CBFA2T3: variants seen among roughly 807,000 people sequenced by gnomAD.
CBFA2T3 encodes the protein CBFA2/RUNX1 partner transcriptional co-repressor 3.
CBFA2T3 carries 31 observed loss-of-function variants against 58.6 expected under a neutral mutation model. The observed-to-expected ratio is 0.53, with a 90% CI of 0.40 to 0.71. The LOEUF is 0.71. CBFA2T3 is among the 30% of genes least tolerant of loss of function. CBFA2T3 has a pLI of 0.00. For missense variants in CBFA2T3, 1,076 were observed against 963.1 expected, an observed-to-expected ratio of 1.12 and a Z score of -1.55; for synonymous variants, 531 against 421.9, an observed-to-expected ratio of 1.26 and a Z score of -3.17.
At chr16:88,957,308 G>A (rs1040040575) in intron 1 of CBFA2T3, among the ~76,000 whole-genome samples, 3 of 152,224 alleles carry the variant, frequency 2.0e-5, no homozygotes, top group African/African-American at 4.8e-5. Flanking sequence ...CCCTGCCCTC[G>A]GGACACCCCC....
In CBFA2T3 at chr16:88,876,923, A is replaced by G; in HGVS notation, c.*53T>C. On this transcript the variant is annotated 3_prime_UTR_variant, in exon 12 of 12. Transcript: ENST00000268679. ...CAGGCACAGCATCCGGTGGGCCTGGAGCTGGGTGGGGTTGGCACGGTGCTG... is the reference window on the plus strand; with the variant it reads ...CAGGCACAGCATCCGGTGGGCCTGGGGCTGGGTGGGGTTGGCACGGTGCTG... The G allele has an allele frequency of 7.6e-7, 1 of 1,308,704 alleles. No homozygotes were observed. Among genetic ancestry groups the G allele is most frequent in the Non-Finnish European group, 9.9e-7 (1 of 1,006,428 alleles). 81.1% of individuals were successfully genotyped at this position (1,308,704 alleles called of 1,614,324 possible).
intron 5 of CBFA2T3, among the ~76,000 whole-genome samples, chr16:88,887,956 A>G (rs1969448532): frequency 6.6e-6 from 1 of 152,160 alleles, no homozygotes; most frequent in African/African-American, 2.4e-5. Context: ...GCACCCAGCT[A>G]AAGCCTCCCT....
chr16:88,889,647 G>A (rs1202928198), intron 5 of CBFA2T3, among the ~76,000 whole-genome samples: 1 of 152,026 alleles, frequency 6.6e-6, no homozygotes, highest in African/African-American at 2.4e-5. Flanking sequence ...CACCTTGACA[G>A]AGGCCAACAG....
At position 88,886,049 on chromosome 16, in the gene CBFA2T3, G is replaced by A. The variant is rs773577310; in HGVS notation, c.805C>T (p.Leu269=). Residue 269 remains leucine, a synonymous_variant, in exon 6 of 12, where the codon CTG becomes TTG. Coordinates refer to ENST00000268679, the MANE Select transcript of CBFA2T3 (RefSeq NM_005187.6). ...GGGGAGGAGGCGCTGGCGTCCAGCA[G>A]GAGCTGCTCATGCTGGGCCAAGTAC... is the stretch of plus-strand genomic sequence containing the variant. ...AQYLAQHEQL[L]LDASASSPID... is the part of the protein sequence containing the mutation. The A allele has an allele frequency of 5.0e-6, 8 of 1,584,726 alleles. 1 individual carries two copies. In the Admixed American group the frequency reaches 5.4e-5, roughly 11 times the overall value.
Position 88,900,675 on chromosome 16 carries a change from C to G in CBFA2T3, c.304+829G>C, listed in dbSNP as rs564246969. Among the ~76,000 whole-genome samples, 109 of 152,230 alleles carry G rather than the reference C, an allele frequency of 7.2e-4. 1 individual carries two copies. In the South Asian group the frequency reaches 0.014, roughly 20 times the overall value. On this transcript the variant is annotated intron_variant, in intron 2 of 11. Coordinates refer to ENST00000268679, the MANE Select transcript of CBFA2T3 (RefSeq NM_005187.6). ...TGGAGGTGGTACATGGAGTCTCCCC[C>G]CTGCAGACACTGAGATGCACTCCTG...
At chr16:88,878,354 C>T (rs1165404991) in intron 11 of CBFA2T3, among the ~76,000 whole-genome samples, 1 of 152,230 alleles carries the variant, frequency 6.6e-6, no homozygotes, top group East Asian at 1.9e-4. Context: ...TCCATCTCCT[C>T]CCACCCCGGG....
At chr16:88,891,858 CA>C (rs1430111516) in intron 5 of CBFA2T3, 23 bp downstream of exon 5, 2 of 1,559,460 alleles carry the variant, frequency 1.3e-6, no homozygotes, top group Non-Finnish European at 1.8e-6. Context: ...GCTCCCGCAG[CA>C]CGGGGGACGG....
chr16:88,945,721 G>T lies in CBFA2T3; in HGVS notation c.151+30936C>A, dbSNP rs183737991. Among the ~76,000 whole-genome samples the T allele has an allele frequency of 1.6e-3, 244 of 152,278 alleles. 2 individuals carry two copies. Among genetic ancestry groups the T allele is most frequent in the Non-Finnish European group, 3.8e-4 (26 of 68,030 alleles). On this transcript the variant is annotated intron_variant, in intron 1 of 11. Coordinates refer to ENST00000268679, the MANE Select transcript of CBFA2T3 (RefSeq NM_005187.6). ...AGGAGCTGTCATTCATTGCCGACGG[G>T]AATGCAAAATGGTACAGCCCTTTGG... is the stretch of plus-strand genomic sequence containing the variant.
intron 1 of CBFA2T3, among the ~76,000 whole-genome samples, chr16:88,932,529 C>T (rs1376478961): frequency 2.6e-5 from 4 of 151,906 alleles, no homozygotes; most frequent in South Asian, 2.1e-4. Flanking sequence ...CACCCATAGT[C>T]CCAGCTACTC....
At chr16:88,882,529 GGCATGGCTGTGT>G (rs2142541063) in intron 8 of CBFA2T3, 135 bp downstream of exon 8, 1 of 652,542 alleles carries the variant, frequency 1.5e-6, no homozygotes, top group South Asian at 1.8e-5. Flanking sequence ...GGCTTGTGTG[GGCATGGCTGTGT>G]GCATGGGTGT....
At chr16:88,908,142 G>A (rs1970400416) in intron 1 of CBFA2T3, among the ~76,000 whole-genome samples, 1 of 152,156 alleles carries the variant, frequency 6.6e-6, no homozygotes. Flanking sequence ...AGGAGTTCAG[G>A]ATCAGCCTGG....
Position 88,976,758 on chromosome 16 carries a change from G to T in CBFA2T3, c.50C>A (p.Ser17Tyr). The change falls in exon 1 of 12, where the codon TCC (serine) becomes TAC (tyrosine). Residue 17 changes from serine to tyrosine, a missense_variant. By Grantham distance (144) the Ser-to-Tyr change is moderately radical. Coordinates refer to ENST00000268679, the MANE Select transcript of CBFA2T3 (RefSeq NM_005187.6). ...CGTCTGGGACATGGAGCCACAGGTGGATCCCGAGGCTGAACTGGCTGCCCT... is the reference window on the plus strand; with the variant it reads ...CGTCTGGGACATGGAGCCACAGGTGTATCCCGAGGCTGAACTGGCTGCCCT... ...RDRAASSASG[S>Y]TCGSMSQTHP... 3 of 1,557,194 alleles carry T rather than the reference G, an allele frequency of 1.9e-6. No individual in the cohort carries two copies. Among genetic ancestry groups the T allele is most frequent in the South Asian group, 2.4e-5 (2 of 84,504 alleles).
At chr16:88,972,439 T>C (rs1972678730) in intron 1 of CBFA2T3, among the ~76,000 whole-genome samples, 1 of 152,178 alleles carries the variant, frequency 6.6e-6, no homozygotes, top group South Asian at 2.1e-4. Context: ...CTCTTCACCC[T>C]CTGGCCCCAG....
At chr16:88,906,943 C>T (rs975740941) in intron 1 of CBFA2T3, among the ~76,000 whole-genome samples, 2 of 152,206 alleles carry the variant, frequency 1.3e-5, no homozygotes, top group African/African-American at 2.4e-5. Context: ...GCCGAAGGGA[C>T]GCTGGCTCGT....
Position 88,881,449 on chromosome 16 carries a change from C to T in CBFA2T3, c.1244G>A (p.Arg415His), listed in dbSNP as rs1210065016. 8 of 1,609,638 alleles carry T rather than the reference C, an allele frequency of 5.0e-6. No homozygotes were observed. The highest frequency in any genetic ancestry group is 5.9e-6 in the Non-Finnish European group (7 of 1,178,336). Reference protein sequence around the residue: ...CIMDMVEKTRRSLTVLRRCQE... With the variant: ...CIMDMVEKTRHSLTVLRRCQE... ...GCACCTGCGCAGCACCGTGAGCGAG[C>T]GCCGCGTCTTCTCCACCATGTCCAT... Residue 415 changes from arginine to histidine, a missense_variant, in exon 9 of 12, where the codon CGC (arginine) becomes CAC (histidine). Transcript: ENST00000268679.
At chr16:88,963,352 T>A (rs565968025) in intron 1 of CBFA2T3, among the ~76,000 whole-genome samples, 17,935 of 148,916 alleles carry the variant, frequency 0.12, 1,350 homozygotes, top group Middle Eastern at 0.25. Flanking sequence ...TTTTTTTTTT[T>A]AAGAATGTTA....
rs191602114 is a variant in CBFA2T3, at chr16:88,966,603, C to T, written c.151+10054G>A. 6.5e-3 allele frequency among the ~76,000 whole-genome samples: 983 copies of T among 152,314 alleles called. 9 individuals are homozygous for T. Among genetic ancestry groups the T allele is most frequent in the Middle Eastern group, 0.031 (9 of 294 alleles). On this transcript the variant is annotated intron_variant, in intron 1 of 11. Transcript: ENST00000268679. ...CCTGCCCAGCGCCCAGCTTCCCAGCCTCCCTTGGAGGCCGGCCCTGGTTTC... is the reference window on the plus strand; with the variant it reads ...CCTGCCCAGCGCCCAGCTTCCCAGCTTCCCTTGGAGGCCGGCCCTGGTTTC...
At chr16:88,913,940 C>G (rs938873675) in intron 1 of CBFA2T3, among the ~76,000 whole-genome samples, 3 of 152,210 alleles carry the variant, frequency 2.0e-5, no homozygotes, top group Admixed American at 6.5e-5. Flanking sequence ...GGCACAGAAC[C>G]TGCAGAAGAG....
chr16:88,896,795 A>G (rs11076739), intron 3 of CBFA2T3, among the ~76,000 whole-genome samples: 33,221 of 152,122 alleles, frequency 0.22, 3,932 homozygotes, highest in East Asian at 0.45. Flanking sequence ...CGCCCCGGCC[A>G]GCCTGGGCCT....
Sources: gnomAD v4.1 joint callset for allele counts (sites outside exome capture counted in the v4.1 genomes callset) on GRCh38, gnomAD v4.1.1 for gene constraint, MANE v1.5 for transcripts, NCBI Gene and HGNC (gene_info 2026-07-23, HGNC 2026-07-21) for gene names.